CDH26: variants seen among roughly 807,000 people sequenced by gnomAD.
The protein encoded by CDH26 is cadherin 26, also known as cadherin-like protein 26.
A neutral mutation model predicts 90.3 loss-of-function variants in CDH26; 83 were observed. The ratio of observed to expected loss-of-function variants is 0.92; its 90% CI spans 0.77 to 1.10. The LOEUF is 1.10. Ranked by LOEUF, CDH26 falls within the 50% of genes least tolerant of loss-of-function variation. CDH26 has a pLI of 0.00. For synonymous variants in CDH26, 397 were observed against 396.3 expected (o/e 1.00, Z -0.02); for missense variants, 1,013 against 1,037.6 (o/e 0.98, Z 0.33).
At position 59,992,302 on chromosome 20, in the gene CDH26, T is replaced by C; in HGVS notation, c.1284-76T>C. ...AATAGTGTTTCTATGACATATTTTG[T>C]TTTTTTATGCAACTTTTTTATCTTT... On this transcript the variant is annotated intron_variant, in intron 9 of 17. Coordinates refer to ENST00000348616, the MANE Select transcript of CDH26 (RefSeq NM_177980.4). The surrounding 1 kb of genome is among the most constrained non-coding windows in gnomAD (Gnocchi z 5.0). 13 of 1,438,752 alleles carry C rather than the reference T, an allele frequency of 9.0e-6. No homozygotes were observed. The South Asian group carries it at 1.5e-4, about 17-fold the overall frequency. 89.1% of individuals were successfully genotyped at this position (1,438,752 alleles called of 1,614,324 possible).
At chr20:60,012,388 A>G (rs868275032) in intron 17 of CDH26, 139 bp from the exon 18 acceptor site, 14 of 714,480 alleles carry the variant, frequency 2.0e-5, no homozygotes, top group Middle Eastern at 8.0e-4. Flanking sequence ...GAACTGTACG[A>G]ACTCCTGTGT....
chr20:60,005,410 G>A (rs1475999661), intron 16 of CDH26, among the ~76,000 whole-genome samples: 1 of 152,076 alleles, frequency 6.6e-6, no homozygotes, highest in East Asian at 1.9e-4. Context: ...GCATGTACAT[G>A]TACAGAGGCA....
chr20:60,000,149 C>T (rs1326703092), intron 14 of CDH26, among the ~76,000 whole-genome samples: 1 of 152,186 alleles, frequency 6.6e-6, no homozygotes, highest in Non-Finnish European at 1.5e-5. Flanking sequence ...ATGGCACTGC[C>T]AAAGGCCCGG....
At chr20:60,016,305 G>A (rs1298860270), downstream of CDH26, among the ~76,000 whole-genome samples, 1 of 152,034 alleles carries the variant, frequency 6.6e-6, no homozygotes, top group Non-Finnish European at 1.5e-5. Context: ...TCAGTATTTT[G>A]TAATCTTTTT....
intron 3 of CDH26, among the ~76,000 whole-genome samples, chr20:59,970,536 C>T (rs1000037434): frequency 6.6e-6 from 1 of 150,530 alleles, no homozygotes; most frequent in African/African-American, 2.5e-5. Flanking sequence ...GTCGGCCAGG[C>T]GCGGTGGCTC....
chr20:60,028,718 G>C (rs967370889), intron 7 of CDH26, among the ~76,000 whole-genome samples: 18 of 152,114 alleles, frequency 1.2e-4, no homozygotes, highest in African/African-American at 3.9e-4. Context: ...TCTGAACCCT[G>C]GTACACTGCT....
At chr20:59,964,930 G>C (rs954464009) in intron 1 of CDH26, among the ~76,000 whole-genome samples, 3 of 152,088 alleles carry the variant, frequency 2.0e-5, no homozygotes, top group Non-Finnish European at 2.9e-5. Flanking sequence ...AATAACCTTG[G>C]CCACCTGGAA....
At chr20:59,969,808 A>G (rs978395967) in intron 2 of CDH26, among the ~76,000 whole-genome samples, 1 of 152,250 alleles carries the variant, frequency 6.6e-6, no homozygotes, top group Non-Finnish European at 1.5e-5. Context: ...CATAGCAGAC[A>G]GTCATCTTTA....
At chr20:59,972,880 C>T (rs2061280928) in intron 4 of CDH26, among the ~76,000 whole-genome samples, 1 of 152,170 alleles carries the variant, frequency 6.6e-6, no homozygotes, top group South Asian at 2.1e-4. Flanking sequence ...TCTCAAAGTA[C>T]TTATATACAC....
Position 59,995,813 on chromosome 20 carries a change from T to C in CDH26, c.1667-20T>C. ...CAGATGAGTGAGTCAATGCATGCCA[T>C]GTTCTTTTTCCCTTTGCAGGTCAAT... On this transcript the variant is annotated intron_variant, in intron 11 of 17. Coordinates refer to ENST00000348616, the MANE Select transcript of CDH26 (RefSeq NM_177980.4). The C allele has an allele frequency of 2.5e-6, 4 of 1,608,342 alleles. No individual in the cohort carries two copies. Among genetic ancestry groups the C allele is most frequent in the South Asian group, 1.1e-5 (1 of 90,960 alleles).
In CDH26 at chr20:59,995,914, G is replaced by A. The variant is rs774165611; in HGVS notation, c.1748G>A (p.Gly583Glu). 130 of 1,614,124 alleles carry A rather than the reference G, an allele frequency of 8.1e-5. No homozygotes were observed. The highest frequency in any genetic ancestry group is 1.1e-4 in the Non-Finnish European group (124 of 1,180,048). Residue 583 changes from glycine (G) to glutamate (E), a missense_variant, in exon 12 of 18, where the codon GGA (glycine) becomes GAA (glutamate). Physicochemically the swap from Gly to Glu is moderately conservative, Grantham distance 98. Coordinates refer to ENST00000348616, the MANE Select transcript of CDH26 (RefSeq NM_177980.4). ...CCACTCTTCATTGGAGACAAACAGG[G>A]ACTTTCCCAGAAGCAAACTGTCCAT... ...LVPLFIGDKQGLSQKQTVHVR... is the reference protein window; with the variant it reads ...LVPLFIGDKQELSQKQTVHVR...
chr20:60,029,712 AGT>A (rs1440775254), intron 7 of CDH26, among the ~76,000 whole-genome samples: 2 of 151,370 alleles, frequency 1.3e-5, no homozygotes, highest in South Asian at 2.1e-4. Context: ...CTCGACTCCC[AGT>A]TATGAGTGAG....
At chr20:60,011,580 C>G (rs1041451474) in intron 17 of CDH26, among the ~76,000 whole-genome samples, 2 of 152,210 alleles carry the variant, frequency 1.3e-5, no homozygotes, top group Non-Finnish European at 1.5e-5. Context: ...GTTCCCACAG[C>G]TCAGCCCTGC....
At chr20:59,968,818 G>A in intron 1 of CDH26, 149 bp from the exon 2 acceptor site, 1 of 433,962 alleles carries the variant, frequency 2.3e-6, no homozygotes, top group South Asian at 6.5e-5. Context: ...GAATTAAGAT[G>A]TAGAGGATAA....
intron 1 of CDH26, among the ~76,000 whole-genome samples, chr20:59,967,812 C>CCTTTCTTT (rs1569023841): frequency 1.2e-5 from 1 of 86,856 alleles, no homozygotes; most frequent in Non-Finnish European, 2.5e-5. Context: ...CTCCCTCCCT[C>CCTTTCTTT]ATTTCTTTCT....
At chr20:60,029,972 AC>A (rs1382694826) in intron 7 of CDH26, among the ~76,000 whole-genome samples, 13 of 152,346 alleles carry the variant, frequency 8.5e-5, no homozygotes, top group African/African-American at 2.9e-4. Flanking sequence ...GCAAAGGAAC[AC>A]ATGGTCACTG....
chr20:59,992,503 T>G lies in CDH26; in HGVS notation c.1409T>G (p.Ile470Ser). 1 of 1,614,172 alleles carries G rather than the reference T, an allele frequency of 6.2e-7. No homozygotes were observed. Among genetic ancestry groups the G allele is most frequent in the Non-Finnish European group, 8.5e-7 (1 of 1,180,020 alleles). Reference sequence around the variant, plus strand: ...AATAACAGTTTTTATGTAATCATCATTCACGCTGTTGATGATGGTGAGTGT... The same window carrying G: ...AATAACAGTTTTTATGTAATCATCAGTCACGCTGTTGATGATGGTGAGTGT... Reference protein sequence around the residue: ...HVNNSFYVIIIHAVDDGFPPQ... With the variant: ...HVNNSFYVIISHAVDDGFPPQ... The change falls in exon 10 of 18, where the codon ATT becomes AGT. Residue 470 changes from isoleucine to serine, a missense_variant. Transcript: ENST00000348616. The surrounding 1 kb of genome is among the most constrained non-coding windows in gnomAD (Gnocchi z 5.0).
chr20:59,998,135 A>G (rs1219566924), intron 13 of CDH26, among the ~76,000 whole-genome samples: 1 of 152,270 alleles, frequency 6.6e-6, no homozygotes, highest in Non-Finnish European at 1.5e-5. Flanking sequence ...CTGGACAAAC[A>G]GCAGTCTTTG....
intron 1 of CDH26, among the ~76,000 whole-genome samples, chr20:59,962,979 G>C (rs1424310579): frequency 6.6e-6 from 1 of 152,214 alleles, no homozygotes; most frequent in Non-Finnish European, 1.5e-5. Flanking sequence ...GGAGATGCCA[G>C]TGGAAATGTT....
Sources: gnomAD v4.1 joint callset for allele counts (sites outside exome capture counted in the v4.1 genomes callset) on GRCh38, gnomAD v4.1.1 for gene constraint, Gnocchi (gnomAD v3.1) non-coding constraint, MANE v1.5 for transcripts, NCBI Gene and HGNC (gene_info 2026-07-23, HGNC 2026-07-21) for gene names.